Variants in WDR72 observed in about 807,000 individuals in gnomAD.
The protein encoded by WDR72 is WD repeat domain 72, also known as WD repeat-containing protein 72.
A neutral mutation model predicts 124.2 loss-of-function variants in WDR72; 120 were observed. That is an observed-to-expected ratio of 0.97 (90% confidence interval 0.83 to 1.12). The LOEUF is 1.12. Ranked by LOEUF, WDR72 falls within the 50% of genes most tolerant of loss-of-function variation. WDR72 has a pLI of 0.00. For synonymous variants in WDR72, 452 were observed against 441.7 expected, an observed-to-expected ratio of 1.02 and a Z score of -0.29; for missense variants, 1,387 against 1,278.8, an observed-to-expected ratio of 1.08 and a Z score of -1.29.
intron 13 of WDR72, among the ~76,000 whole-genome samples, chr15:53,692,820 C>T (rs1031269153): frequency 2.0e-5 from 3 of 152,066 alleles, no homozygotes; most frequent in Non-Finnish European, 4.4e-5. Context: ...AAATATATGT[C>T]GAGTAATAAC....
rs1173028869 is a variant in WDR72 at position 53,515,514 on chromosome 15, T to A, written c.*2185A>T. On this transcript the variant is annotated 3_prime_UTR_variant, in exon 20 of 20. Coordinates refer to ENST00000360509, the MANE Select transcript of WDR72 (RefSeq NM_182758.4). Reference sequence around the variant, plus strand: ...GGATATTAGGAGAGCATTGCTTGAATATCTCTAAAACTATTTTTAGGAATT... The same window carrying A: ...GGATATTAGGAGAGCATTGCTTGAAAATCTCTAAAACTATTTTTAGGAATT... 1 of 152,218 alleles carries A rather than the reference T, an allele frequency of 6.6e-6. No individual in the cohort carries two copies. Among genetic ancestry groups the A allele is most frequent in the Non-Finnish European group, 1.5e-5 (1 of 68,032 alleles). The allele number at this position is 152,218 out of a possible 1,614,324, so 9.4% of individuals were successfully genotyped here.
At position 53,564,404 on chromosome 15, in the gene WDR72, C is replaced by T. The variant is rs1894226315; in HGVS notation, c.3148+32675G>A. Among the ~76,000 whole-genome samples the T allele has an allele frequency of 2.0e-5, 3 of 151,954 alleles. No homozygotes were observed. In the South Asian group the frequency reaches 6.2e-4, roughly 31 times the overall value. On this transcript the variant is annotated intron_variant, in intron 18 of 19. Transcript: ENST00000360509. ...CTAGCTGTGTGTTATGTTCTCATAT[C>T]CTAGGACAGCATCTAAAGATAGAAG...
chr15:53,579,004 T>C (rs1199791737), intron 18 of WDR72, among the ~76,000 whole-genome samples: 3 of 152,102 alleles, frequency 2.0e-5, no homozygotes, highest in Non-Finnish European at 4.4e-5. Flanking sequence ...GCAAGAGATA[T>C]AAGGCTGTTA....
intron 17 of WDR72, among the ~76,000 whole-genome samples, chr15:53,598,551 C>T (rs1249320443): frequency 6.6e-6 from 1 of 152,102 alleles, no homozygotes; most frequent in Admixed American, 6.5e-5. Flanking sequence ...ATCCAACGAG[C>T]TTATTATGAT....
intron 18 of WDR72, among the ~76,000 whole-genome samples, chr15:53,575,973 C>T (rs536781583): frequency 6.6e-6 from 1 of 152,206 alleles, no homozygotes; most frequent in South Asian, 2.1e-4. Context: ...CTTATAGGCC[C>T]TTTGATCTTT....
In WDR72 at chr15:53,567,147, C is replaced by T. The variant is rs547148811; in HGVS notation, c.3148+29932G>A. Among the ~76,000 whole-genome samples the T allele has an allele frequency of 7.2e-5, 11 of 152,006 alleles. No individual in the cohort carries two copies. The East Asian group carries it at 1.4e-3, about 19-fold the overall frequency. On this transcript the variant is annotated intron_variant, in intron 18 of 19. Transcript: ENST00000360509. ...CCTCGTATAAATCTACAGAGGGCTACGCAAAGGTTTATGTGAGCTGTGTGT... is the reference window on the plus strand; with the variant it reads ...CCTCGTATAAATCTACAGAGGGCTATGCAAAGGTTTATGTGAGCTGTGTGT...
chr15:53,713,715 C>T (rs949378535), intron 6 of WDR72, among the ~76,000 whole-genome samples: 1 of 152,030 alleles, frequency 6.6e-6, no homozygotes, highest in Non-Finnish European at 1.5e-5. Flanking sequence ...GCCTTAGCCT[C>T]CCAAAGTGCT....
intron 1 of WDR72, among the ~76,000 whole-genome samples, chr15:53,746,479 G>A (rs989160471): frequency 2.0e-5 from 3 of 152,156 alleles, no homozygotes; most frequent in African/African-American, 7.2e-5. Flanking sequence ...ATCCTAACCA[G>A]AATAAACACT....
At chr15:53,745,033 G>GT (rs1256314520) in intron 1 of WDR72, among the ~76,000 whole-genome samples, 1 of 68,146 alleles carries the variant, frequency 1.5e-5, no homozygotes, top group Non-Finnish European at 2.8e-5. Flanking sequence ...ATACTTTATT[G>GT]TAAAAAAAAA....
chr15:53,568,333 G>A (rs897511429), intron 18 of WDR72, among the ~76,000 whole-genome samples: 3 of 151,414 alleles, frequency 2.0e-5, no homozygotes, highest in Admixed American at 6.6e-5. Flanking sequence ...TAGTGAAATC[G>A]GTTTTTATGA....
At chr15:53,588,587 A>G (rs987699970) in intron 18 of WDR72, among the ~76,000 whole-genome samples, 1 of 151,954 alleles carries the variant, frequency 6.6e-6, no homozygotes, top group South Asian at 2.1e-4. Flanking sequence ...TCTGATGGGA[A>G]TGGGATATTC....
At chr15:53,629,752 C>T (rs879402974) in intron 14 of WDR72, among the ~76,000 whole-genome samples, 1 of 151,696 alleles carries the variant, frequency 6.6e-6, no homozygotes, top group Non-Finnish European at 1.5e-5. Flanking sequence ...ATTCTCATTG[C>T]CCCTCTCTAG....
At position 53,515,827 on chromosome 15, in the gene WDR72, GAAT is replaced by G. The variant is rs1595718811; in HGVS notation, c.*1869_*1871del. ...TATTGTTATTCTTGTTTCTAAAAGG[GAAT>G]AATAGGATGTAGCTATAAAAATAAT... On this transcript the variant is annotated 3_prime_UTR_variant, in exon 20 of 20. Coordinates refer to ENST00000360509, the MANE Select transcript of WDR72 (RefSeq NM_182758.4). The G allele has an allele frequency of 6.6e-6, 1 of 152,052 alleles. No homozygotes were observed. The highest frequency in any genetic ancestry group is 2.4e-5 in the African/African-American group (1 of 41,414). 9.4% of individuals were successfully genotyped at this position (152,052 alleles called of 1,614,324 possible). A position where few individuals can be genotyped will look rare whatever the true frequency, so the allele number is the denominator to read the frequency against.
chr15:53,526,376 G>T (rs149343958), intron 18 of WDR72, among the ~76,000 whole-genome samples: 2 of 152,194 alleles, frequency 1.3e-5, no homozygotes, highest in East Asian at 3.9e-4. Context: ...CAAGGAAAAA[G>T]AAAAGGGTGT....
intron 5 of WDR72, 27 bp from the exon 6 acceptor site, chr15:53,714,537 A>C: frequency 6.4e-7 from 1 of 1,565,012 alleles, no homozygotes; most frequent in Non-Finnish European, 8.8e-7. Context: ...AGTCACATAT[A>C]AGCTTACCAT....
intron 3 of WDR72, among the ~76,000 whole-genome samples, chr15:53,721,748 A>C (rs1044557189): frequency 1.3e-5 from 2 of 152,188 alleles, no homozygotes; most frequent in African/African-American, 4.8e-5. Context: ...AGAGAGGCTT[A>C]TCTTGTTTCA....
chr15:53,747,743 G>A (rs2018676683), intron 1 of WDR72, among the ~76,000 whole-genome samples: 1 of 152,202 alleles, frequency 6.6e-6, no homozygotes, highest in African/African-American at 2.4e-5. Flanking sequence ...TCAAAGAAAG[G>A]CCAAGGGTGT....
intron 14 of WDR72, among the ~76,000 whole-genome samples, chr15:53,639,508 A>T (rs543931020): frequency 8.3e-5 from 12 of 145,184 alleles, no homozygotes; most frequent in Non-Finnish European, 1.2e-4. Context: ...TTATAAAATT[A>T]TATATAATTT....
At chr15:53,692,853 A>G (rs1391377798) in intron 13 of WDR72, among the ~76,000 whole-genome samples, 1 of 152,190 alleles carries the variant, frequency 6.6e-6, no homozygotes, top group East Asian at 1.9e-4. Context: ...TATAATAAGA[A>G]AGAGGTCTGG....
Sources: gnomAD v4.1 joint callset for allele counts (sites outside exome capture counted in the v4.1 genomes callset) on GRCh38, gnomAD v4.1.1 for gene constraint, MANE v1.5 for transcripts, NCBI Gene and HGNC (gene_info 2026-07-23, HGNC 2026-07-21) for gene names.